FAXDC2: variants seen among roughly 807,000 people sequenced by gnomAD.
FAXDC2 encodes the protein fatty acid hydroxylase domain containing 2.
FAXDC2 carries 41 observed loss-of-function variants against 40.9 expected under a neutral mutation model. The ratio of observed to expected loss-of-function variants is 1.00; its 90% CI spans 0.78 to 1.30. FAXDC2 has a LOEUF of 1.30. Among genes scored for constraint, FAXDC2 ranks in the 50% most tolerant of loss-of-function variants. The pLI is 0.00. For synonymous variants in FAXDC2, 157 were observed against 149.3 expected (o/e 1.05, Z -0.38); for missense variants, 390 against 408.8 (o/e 0.95, Z 0.40).
rs761359670 is a variant in FAXDC2, at chr5:154,820,389, T to C, written c.929A>G (p.Glu310Gly). Residue 310 changes from glutamate (E) to glycine (G), a missense_variant, in exon 9 of 9, where the codon GAG becomes GGG. Transcript: ENST00000326080. ...GAAGCCCAGCAGGAGGACATGTCTC[T>C]CGTAGGCCTTGGTCTGCTTGAACAT... Reference protein sequence around the residue: ...DTMFKQTKAYERHVLLLGFTP... With the variant: ...DTMFKQTKAYGRHVLLLGFTP... The C allele has an allele frequency of 6.2e-7, 1 of 1,613,080 alleles. No individual in the cohort carries two copies. Among genetic ancestry groups the C allele is most frequent in the East Asian group, 2.2e-5 (1 of 44,776 alleles).
intron 2 of FAXDC2, among the ~76,000 whole-genome samples, chr5:154,835,730 G>C (rs1328497737): frequency 6.6e-6 from 1 of 151,470 alleles, no homozygotes; most frequent in Admixed American, 6.6e-5. Context: ...ACAGGAGCCC[G>C]CCACCACACC....
chr5:154,848,041 A>T (rs187793928), intron 1 of FAXDC2, among the ~76,000 whole-genome samples: 3 of 151,842 alleles, frequency 2.0e-5, no homozygotes, highest in African/African-American at 2.4e-5. Flanking sequence ...GGGTTTCACC[A>T]TGTTAGCCAG....
intron 1 of FAXDC2, among the ~76,000 whole-genome samples, chr5:154,841,871 G>A (rs758092542): frequency 2.6e-5 from 4 of 152,030 alleles, no homozygotes; most frequent in Admixed American, 6.6e-5. Flanking sequence ...AAGTAGCTGG[G>A]ATTACAGGGG....
At chr5:154,822,644 G>T (rs1326746219) in intron 6 of FAXDC2, 67 bp from the exon 7 acceptor site, 2 of 1,301,560 alleles carry the variant, frequency 1.5e-6, no homozygotes, top group African/African-American at 2.9e-5. Context: ...CAGACCATGA[G>T]AAACCAAAAA....
chr5:154,827,205 T>C (rs1339255923), intron 5 of FAXDC2, among the ~76,000 whole-genome samples: 1 of 151,448 alleles, frequency 6.6e-6, no homozygotes, highest in Non-Finnish European at 1.5e-5. Flanking sequence ...CTTGGAAGGC[T>C]GAGGCAGGAG....
In FAXDC2 at chr5:154,821,399, C is replaced by A; in HGVS notation, c.706G>T (p.Gly236Cys). Residue 236 changes from glycine to cysteine, a missense_variant, in exon 8 of 9, where the codon GGC (glycine) becomes TGC (cysteine). Transcript: ENST00000326080. ...AAGTGGGAGCCCATTACTAATGGGC[C>A]CACTATCACCGGTAGCATGTTGGAG... ...AVSNMLPVIVGPLVMGSHLSS... is the reference protein window; with the variant it reads ...AVSNMLPVIVCPLVMGSHLSS... 6.2e-7 allele frequency: 1 copy of A among 1,611,788 alleles called. No individual in the cohort carries two copies. Among genetic ancestry groups the A allele is most frequent in the Non-Finnish European group, 8.5e-7 (1 of 1,179,072 alleles).
chr5:154,840,119 C>T lies in FAXDC2; in HGVS notation c.1-1941G>A, dbSNP rs141537088. 5.9e-5 allele frequency among the ~76,000 whole-genome samples: 9 copies of T among 152,252 alleles called. No individual in the cohort carries two copies. The East Asian group carries it at 1.3e-3, about 23-fold the overall frequency. ...AGGACCCAGGTTCCAGACTGGACTT[C>T]GTGCCACTTATTTCCATCTCTATGG... On this transcript the variant is annotated intron_variant, in intron 1 of 8. Coordinates refer to ENST00000326080, the MANE Select transcript of FAXDC2 (RefSeq NM_032385.5).
At chr5:154,823,213 G>C in intron 6 of FAXDC2, 174 bp downstream of exon 6, 1 of 611,966 alleles carries the variant, frequency 1.6e-6, no homozygotes, top group Non-Finnish European at 2.9e-6. Flanking sequence ...GGGGTCTCCT[G>C]ACATTCCCCA....
chr5:154,822,248 A>G (rs1390256658), intron 7 of FAXDC2: 5 of 505,564 alleles, frequency 9.9e-6, no homozygotes, highest in Non-Finnish European at 1.8e-5. Context: ...ACAGAGCAAG[A>G]CCCTGTCTCA....
chr5:154,835,866 C>A (rs952238772), intron 2 of FAXDC2, among the ~76,000 whole-genome samples: 2 of 140,358 alleles, frequency 1.4e-5, no homozygotes, highest in Admixed American at 1.5e-4. Flanking sequence ...CAGGAGTGAG[C>A]CACCGCGCCC....
rs62382170 is a variant in FAXDC2, at chr5:154,834,672, C to T, written c.197G>A (p.Arg66Lys). The T allele has an allele frequency of 0.045, 73,326 of 1,613,338 alleles. 1,977 individuals carry two copies. The highest frequency in any genetic ancestry group is 0.054 in the Non-Finnish European group (63,574 of 1,179,646). The change falls in exon 4 of 9, where the codon AGG becomes AAG. Residue 66 changes from arginine to lysine, a missense_variant. Transcript: ENST00000326080. ...CTTCCCTTCAAATGTAGTCAGCAGC[C>T]TCTCCCACTGGGCTTGCCAAAAGTA... ...SGYFWQAQWE[R>K]LLTTFEGKEW...
chr5:154,844,814 T>G (rs1055647414), intron 1 of FAXDC2, among the ~76,000 whole-genome samples: 1 of 152,190 alleles, frequency 6.6e-6, no homozygotes, highest in Non-Finnish European at 1.5e-5. Flanking sequence ...CAGCTCTGGT[T>G]CACTCTACAG....
chr5:154,821,491 C>CTTAG, intron 7 of FAXDC2, 65 bp from the exon 8 acceptor site: 1 of 1,367,624 alleles, frequency 7.3e-7, no homozygotes, highest in South Asian at 1.4e-5. Context: ...TGGGTATACA[C>CTTAG]TTAGTCCCAA....
intron 5 of FAXDC2, chr5:154,824,537 GC>G (rs1369947690): frequency 1.4e-6 from 1 of 702,434 alleles, no homozygotes; most frequent in African/African-American, 1.7e-5. Context: ...CCATCCCATT[GC>G]GAGGCCAGGT....
Position 154,820,280 on chromosome 5 carries a change from G to A in FAXDC2, c.*36C>T. 2 of 1,547,344 alleles carry A rather than the reference G, an allele frequency of 1.3e-6. No homozygotes were observed. The highest frequency in any genetic ancestry group is 1.7e-6 in the Non-Finnish European group (2 of 1,143,624). ...CAGGAAGCCGTGTCTGCATCCCATG[G>A]CTGAGGGACAGCCAGGATGACACTT... is the stretch of plus-strand genomic sequence containing the variant. On this transcript the variant is annotated 3_prime_UTR_variant, in exon 9 of 9. Transcript: ENST00000326080.
intron 2 of FAXDC2, among the ~76,000 whole-genome samples, chr5:154,837,509 C>T (rs991462094): frequency 3.3e-5 from 5 of 152,088 alleles, no homozygotes; most frequent in Admixed American, 1.3e-4. Flanking sequence ...TCCAGTTATT[C>T]CTTTGTTTGG....
At chr5:154,839,858 C>T (rs1017521418) in intron 1 of FAXDC2, among the ~76,000 whole-genome samples, 5 of 152,132 alleles carry the variant, frequency 3.3e-5, no homozygotes, top group African/African-American at 9.7e-5. Context: ...CATCTTTCAC[C>T]TGAGACTAAC....
chr5:154,839,325 CAAA>C (rs746822715), intron 1 of FAXDC2, among the ~76,000 whole-genome samples: 6 of 92,750 alleles, frequency 6.5e-5, no homozygotes, highest in Non-Finnish European at 4.5e-5. Flanking sequence ...GACTCCATCT[CAAA>C]AAAAAAAAAA....
chr5:154,840,174 T>A (rs903283269), intron 1 of FAXDC2, among the ~76,000 whole-genome samples: 40 of 152,340 alleles, frequency 2.6e-4, no homozygotes, highest in African/African-American at 9.6e-4. Context: ...ATGATTGTAC[T>A]TAGTTTTATT....
Sources: gnomAD v4.1 joint callset for allele counts (sites outside exome capture counted in the v4.1 genomes callset) on GRCh38, gnomAD v4.1.1 for gene constraint, MANE v1.5 for transcripts, NCBI Gene and HGNC (gene_info 2026-07-23, HGNC 2026-07-21) for gene names.